PPARGC1A: variants seen among roughly 807,000 people sequenced by gnomAD.
The protein encoded by PPARGC1A is peroxisome proliferator-activated receptor gamma coactivator 1-alpha.
PPARGC1A carries 25 observed loss-of-function variants against 88.7 expected under a neutral mutation model. The observed-to-expected ratio is 0.28, with a 90% CI of 0.21 to 0.39. PPARGC1A has a LOEUF of 0.39. Ranked by LOEUF, PPARGC1A falls within the 10% of genes least tolerant of loss-of-function variation. PPARGC1A has a pLI of 1.00. For missense variants in PPARGC1A, 880 were observed against 968.7 expected, an observed-to-expected ratio of 0.91 and a Z score of 1.22; for synonymous variants, 363 against 355.6, an observed-to-expected ratio of 1.02 and a Z score of -0.24.
the PPARGC1A span, among the ~76,000 whole-genome samples, chr4:24,003,684 G>C: frequency 6.6e-6 from 1 of 152,140 alleles, no homozygotes. Flanking sequence ...GAGCCGGCAG[G>C]GGGTAGGGTA....
intron 2 of PPARGC1A, chr4:23,880,089 G>A (rs539746337): frequency 2.6e-5 from 4 of 151,976 alleles, no homozygotes; most frequent in African/African-American, 7.3e-5. Flanking sequence ...ACACGAGCTC[G>A]CAATGTTTGC....
upstream of PPARGC1A, among the ~76,000 whole-genome samples, chr4:23,908,806 G>C (rs1328478488): frequency 2.0e-5 from 3 of 152,346 alleles, no homozygotes; most frequent in East Asian, 5.8e-4. Flanking sequence ...AGGATAAACA[G>C]ACACACATCA....
intron 10 of PPARGC1A, among the ~76,000 whole-genome samples, chr4:23,806,328 A>G (rs922388244): frequency 6.6e-6 from 1 of 152,214 alleles, no homozygotes; most frequent in African/African-American, 2.4e-5. Flanking sequence ...TCTAGCAAAG[A>G]ACTGATTCTT....
chr4:23,909,189 C>T, the PPARGC1A span, among the ~76,000 whole-genome samples: 3 of 151,720 alleles, frequency 2.0e-5, no homozygotes, highest in South Asian at 6.3e-4. Flanking sequence ...GTCCCTGACC[C>T]GTACGTAATT....
In PPARGC1A at chr4:23,813,881, G is replaced by C. The variant is rs1226595207; in HGVS notation, c.1602C>G (p.Phe534Leu). 6.2e-7 allele frequency: 1 copy of C among 1,613,884 alleles called. No individual in the cohort carries two copies. The highest frequency in any genetic ancestry group is 1.3e-5 in the African/African-American group (1 of 74,896). Residue 534 changes from phenylalanine to leucine, a missense_variant, in exon 8 of 13, where the codon TTC (phenylalanine) becomes TTG (leucine). By Grantham distance (22) the Phe-to-Leu change is conservative (BLOSUM62 0). Coordinates refer to ENST00000264867, the MANE Select transcript of PPARGC1A (RefSeq NM_013261.5). The stretch of plus-strand genomic sequence containing the variant: ...AAGAAGAACAAGAAGGAGACACATT[G>C]AACAATGAATAGGATTGCGTGCCAT... Reference protein sequence around the residue: ...PWDGTQSYSLFNVSPSCSSFN... With the variant: ...PWDGTQSYSLLNVSPSCSSFN...
the PPARGC1A span, among the ~76,000 whole-genome samples, chr4:23,986,117 T>C: frequency 6.6e-6 from 1 of 152,176 alleles, no homozygotes. Context: ...AGGTAAGTTA[T>C]GTATTAAAGA....
At chr4:23,976,584 C>G in the PPARGC1A span, among the ~76,000 whole-genome samples, 1 of 152,168 alleles carries the variant, frequency 6.6e-6, no homozygotes. Flanking sequence ...CCTAATGTGA[C>G]TATATCTGGA....
the PPARGC1A span, among the ~76,000 whole-genome samples, chr4:24,232,885 C>T: frequency 6.6e-6 from 1 of 152,156 alleles, no homozygotes; most frequent in Admixed American, 6.5e-5. Context: ...AACATATCTG[C>T]ATGCATATAT....
chr4:24,103,236 C>T, the PPARGC1A span, among the ~76,000 whole-genome samples: 1 of 152,132 alleles, frequency 6.6e-6, no homozygotes, highest in African/African-American at 2.4e-5. Flanking sequence ...TGGGTAGTTC[C>T]AGAGCCCTCT....
chr4:24,016,545 G>A, the PPARGC1A span, among the ~76,000 whole-genome samples: 9 of 152,192 alleles, frequency 5.9e-5, no homozygotes, highest in African/African-American at 2.2e-4. Flanking sequence ...CAGCCAGAGG[G>A]GCAATAACAG....
chr4:24,012,632 C>A, the PPARGC1A span, among the ~76,000 whole-genome samples: 1 of 152,092 alleles, frequency 6.6e-6, no homozygotes, highest in African/African-American at 2.4e-5. Flanking sequence ...CCTCCTAAGC[C>A]CTTCCTTGTC....
the PPARGC1A span, among the ~76,000 whole-genome samples, chr4:24,393,436 T>A: frequency 6.6e-6 from 1 of 152,214 alleles, no homozygotes; most frequent in African/African-American, 2.4e-5. Context: ...AGCCCTGTGA[T>A]AACTAAGACA....
At chr4:23,926,905 G>A in the PPARGC1A span, among the ~76,000 whole-genome samples, 1 of 152,130 alleles carries the variant, frequency 6.6e-6, no homozygotes, top group Non-Finnish European at 1.5e-5. Flanking sequence ...GTGGCTCTCT[G>A]TTATTCATAT....
chr4:23,873,123 A>C (rs1039960190), intron 2 of PPARGC1A, among the ~76,000 whole-genome samples: 2 of 150,132 alleles, frequency 1.3e-5, no homozygotes, highest in Admixed American at 1.3e-4. Context: ...GCATGAACCC[A>C]GGAGGCAGAG....
In PPARGC1A at chr4:23,795,458, CCA is replaced by C. The variant is rs923186079; in HGVS notation, c.*362_*363del. ...AGGTGCCCCCAGTCCTCACATGTAC[CCA>C]CACATACTTCCCCTAAACCAAGCAC... On this transcript the variant is annotated 3_prime_UTR_variant, in exon 13 of 13. Transcript: ENST00000264867. The C allele has an allele frequency of 2.3e-5, 4 of 173,738 alleles. No homozygotes were observed. The highest frequency in any genetic ancestry group is 6.5e-5 in the Admixed American group (1 of 15,460). The allele number at this position is 173,738 out of a possible 1,614,324, so 10.8% of individuals were successfully genotyped here.
the PPARGC1A span, among the ~76,000 whole-genome samples, chr4:23,973,598 T>A: frequency 1.3e-5 from 2 of 152,366 alleles, no homozygotes; most frequent in Admixed American, 1.3e-4. Flanking sequence ...GCATCTCTTC[T>A]CTTTGCCTTA....
the PPARGC1A span, among the ~76,000 whole-genome samples, chr4:23,987,031 A>G: frequency 1.3e-5 from 2 of 152,120 alleles, no homozygotes; most frequent in Non-Finnish European, 2.9e-5. Flanking sequence ...ATCCCCAGGT[A>G]TCTAGGCTTA....
the PPARGC1A span, among the ~76,000 whole-genome samples, chr4:24,321,280 C>T: frequency 6.6e-6 from 1 of 152,162 alleles, no homozygotes; most frequent in Non-Finnish European, 1.5e-5. Flanking sequence ...GATTCCAAGC[C>T]TCAGGATGCT....
upstream of PPARGC1A, among the ~76,000 whole-genome samples, chr4:23,907,858 G>T (rs1290046118): frequency 6.6e-6 from 1 of 152,074 alleles, no homozygotes; most frequent in Non-Finnish European, 1.5e-5. Flanking sequence ...TGAAGTGGGC[G>T]TTGGGACTCA....
Sources: allele counts gnomAD v4.1 joint callset (sites outside exome capture counted in the v4.1 genomes callset), GRCh38; gene constraint gnomAD v4.1.1; transcripts MANE v1.5; gene names NCBI Gene and HGNC (gene_info 2026-07-23, HGNC 2026-07-21).